Variants in LHFPL3 observed in about 807,000 individuals in gnomAD.
LHFPL3 encodes LHFPL tetraspan subfamily member 3 protein.
LHFPL3 carries 5 observed loss-of-function variants against 19.3 expected under a neutral mutation model. That is an observed-to-expected ratio of 0.26 (90% CI 0.14 to 0.54). The LOEUF (loss-of-function observed/expected upper bound fraction) is 0.54. LHFPL3 is among the 20% of genes least tolerant of loss of function. The pLI, the probability that LHFPL3 is intolerant of heterozygous loss-of-function variation, is 0.94. For missense variants in LHFPL3, 249 were observed against 307.4 expected (o/e 0.81, Z 1.42); for synonymous variants, 133 against 126.2 (o/e 1.05, Z -0.36).
At chr7:104,789,187 T>C (rs973542817) in intron 2 of LHFPL3, among the ~76,000 whole-genome samples, 6 of 152,196 alleles carry the variant, frequency 3.9e-5, no homozygotes, top group African/African-American at 1.4e-4. Flanking sequence ...TCATCTTCCA[T>C]AAATGGGAAG....
chr7:104,731,437 A>T (rs369328553), intron 1 of LHFPL3, among the ~76,000 whole-genome samples: 1 of 152,200 alleles, frequency 6.6e-6, no homozygotes, highest in Non-Finnish European at 1.5e-5. Context: ...GAGGTCCTTC[A>T]CATCCCTTGT....
chr7:104,781,456 C>A (rs1794713652), intron 2 of LHFPL3, among the ~76,000 whole-genome samples: 1 of 152,104 alleles, frequency 6.6e-6, no homozygotes, highest in Non-Finnish European at 1.5e-5. Context: ...CTGGGACATC[C>A]CCTCTGCTTT....
chr7:104,741,987 G>A (rs1793945165), intron 2 of LHFPL3, among the ~76,000 whole-genome samples: 2 of 152,160 alleles, frequency 1.3e-5, no homozygotes, highest in Admixed American at 1.3e-4. Context: ...GAGTTCAGCA[G>A]CATGATTTCT....
chr7:104,592,696 C>A (rs2385240), intron 1 of LHFPL3, among the ~76,000 whole-genome samples: 15 of 152,106 alleles, frequency 9.9e-5, no homozygotes, highest in Middle Eastern at 6.8e-3. Flanking sequence ...TGCCCTGCCC[C>A]CAGAGGTGGA....
chr7:104,763,649 C>T (rs867168439), intron 2 of LHFPL3, among the ~76,000 whole-genome samples: 18 of 151,552 alleles, frequency 1.2e-4, no homozygotes, highest in African/African-American at 3.9e-4. Context: ...CTCAGCTTCA[C>T]AGGTATCAAG....
intron 2 of LHFPL3, among the ~76,000 whole-genome samples, chr7:104,855,738 C>T (rs1250510840): frequency 6.6e-6 from 1 of 152,062 alleles, no homozygotes; most frequent in East Asian, 1.9e-4. Context: ...ATTCTCTTGC[C>T]TCAGCTTCAC....
At chr7:104,614,512 C>A (rs1472486105) in intron 1 of LHFPL3, among the ~76,000 whole-genome samples, 1 of 152,004 alleles carries the variant, frequency 6.6e-6, no homozygotes, top group Non-Finnish European at 1.5e-5. Flanking sequence ...GGAGAAAGTT[C>A]TGAATAGGCC....
intron 1 of LHFPL3, among the ~76,000 whole-genome samples, chr7:104,430,383 CATATATAT>C (rs1176189742): frequency 4.3e-4 from 17 of 39,680 alleles, no homozygotes; most frequent in East Asian, 6.8e-4. Flanking sequence ...TATATATATA[CATATATAT>C]ATATATATAT....
intron 1 of LHFPL3, among the ~76,000 whole-genome samples, chr7:104,391,233 G>A (rs957893173): frequency 6.6e-6 from 1 of 152,096 alleles, no homozygotes; most frequent in African/African-American, 2.4e-5. Flanking sequence ...CATTGCTTTT[G>A]GTGTTTTAGA....
intron 1 of LHFPL3, among the ~76,000 whole-genome samples, chr7:104,494,990 C>T (rs1264488708): frequency 6.6e-6 from 1 of 152,178 alleles, no homozygotes; most frequent in Non-Finnish European, 1.5e-5. Context: ...CTTCCAAACC[C>T]CCCTCCAGAT....
At chr7:104,483,819 T>A (rs369812093) in intron 1 of LHFPL3, among the ~76,000 whole-genome samples, 1 of 151,858 alleles carries the variant, frequency 6.6e-6, no homozygotes, top group Non-Finnish European at 1.5e-5. Context: ...AGAGACAGAG[T>A]CTCACTATGT....
chr7:104,711,983 T>A (rs553680664), intron 1 of LHFPL3, among the ~76,000 whole-genome samples: 2 of 152,202 alleles, frequency 1.3e-5, no homozygotes, highest in African/African-American at 4.8e-5. Context: ...TGCAGAGATG[T>A]CCACACCCTA....
chr7:104,335,694 A>C (rs1282057037), intron 1 of LHFPL3, among the ~76,000 whole-genome samples: 1 of 152,164 alleles, frequency 6.6e-6, no homozygotes, highest in Non-Finnish European at 1.5e-5. Flanking sequence ...AATATAATAA[A>C]AGTCTAACCA....
chr7:104,522,440 G>C (rs1030648646), intron 1 of LHFPL3, among the ~76,000 whole-genome samples: 1 of 150,674 alleles, frequency 6.6e-6, no homozygotes, highest in African/African-American at 2.4e-5. Context: ...AATGCGAGAT[G>C]ACGAGTTAGT....
chr7:104,575,143 G>A (rs902234402), intron 1 of LHFPL3, among the ~76,000 whole-genome samples: 4 of 152,146 alleles, frequency 2.6e-5, no homozygotes, highest in East Asian at 1.9e-4. Context: ...GCAAATGACC[G>A]ATTATTTCAA....
intron 1 of LHFPL3, among the ~76,000 whole-genome samples, chr7:104,440,746 A>C (rs1792209974): frequency 6.6e-6 from 1 of 152,188 alleles, no homozygotes; most frequent in African/African-American, 2.4e-5. Context: ...CATTATTTCT[A>C]AGGAATGTTG....
intron 2 of LHFPL3, among the ~76,000 whole-genome samples, chr7:104,890,074 G>A (rs1464350265): frequency 6.6e-6 from 1 of 152,144 alleles, no homozygotes; most frequent in Non-Finnish European, 1.5e-5. Context: ...CGAGGCAGGA[G>A]GATTACTTGA....
At chr7:104,816,794 T>C (rs1014625457) in intron 2 of LHFPL3, among the ~76,000 whole-genome samples, 18 of 152,248 alleles carry the variant, frequency 1.2e-4, no homozygotes, top group African/African-American at 4.1e-4. Context: ...CATCTCACCT[T>C]GCCTGACTTA....
chr7:104,497,440 G>A (rs41021), intron 1 of LHFPL3, among the ~76,000 whole-genome samples: 22,662 of 151,686 alleles, frequency 0.15, 3,493 homozygotes, highest in African/African-American at 0.39. Context: ...GGGGATATAT[G>A]CAGTAAAGGT....
Sources: gnomAD v4.1 joint callset for allele counts (sites outside exome capture counted in the v4.1 genomes callset) on GRCh38, gnomAD v4.1.1 for gene constraint, MANE v1.5 for transcripts, NCBI Gene and HGNC (gene_info 2026-07-23, HGNC 2026-07-21) for gene names.